Variants in C1QTNF3 observed in about 807,000 individuals in gnomAD.
C1QTNF3 encodes the protein complement C1q tumor necrosis factor-related protein 3.
In C1QTNF3, 26 loss-of-function variants were observed where a neutral mutation model predicts 32.6. The ratio of observed to expected loss-of-function variants is 0.80; its 90% CI spans 0.58 to 1.11. The LOEUF (loss-of-function observed/expected upper bound fraction) is 1.11. C1QTNF3 is among the 50% of genes least tolerant of loss of function. C1QTNF3 has a pLI of 0.00. For missense variants in C1QTNF3, 362 were observed against 398.2 expected (o/e 0.91, Z 0.77); for synonymous variants, 155 against 146.0 (o/e 1.06, Z -0.44).
In C1QTNF3 at chr5:34,028,026, G is replaced by A. The variant is rs1289289128; in HGVS notation, c.700+728C>T. ...CTCGCTCTGTCGCCCAGGCTGGAGT[G>A]CAGTCGCGCGATCTCCGCTCACTGC... On this transcript the variant is annotated intron_variant, in intron 4 of 5. Coordinates refer to ENST00000382065, the MANE Select transcript of C1QTNF3 (RefSeq NM_181435.6). Among the ~76,000 whole-genome samples the A allele has an allele frequency of 2.6e-5, 4 of 152,106 alleles. No individual in the cohort carries two copies. The East Asian group carries it at 7.7e-4, about 29-fold the overall frequency.
the C1QTNF3 span, among the ~76,000 whole-genome samples, chr5:34,162,271 G>A: frequency 1.6e-4 from 24 of 152,116 alleles, no homozygotes; most frequent in African/African-American, 5.8e-4. Flanking sequence ...AGAAGGTCAA[G>A]AGTAGGCAAA....
chr5:34,058,914 A>C, the C1QTNF3 span, among the ~76,000 whole-genome samples: 2 of 152,244 alleles, frequency 1.3e-5, no homozygotes, highest in Admixed American at 1.3e-4. Context: ...GTTGACCAAC[A>C]CAGAGTCCCC....
the C1QTNF3 span, among the ~76,000 whole-genome samples, chr5:34,088,594 G>A: frequency 6.6e-6 from 1 of 152,112 alleles, no homozygotes; most frequent in African/African-American, 2.4e-5. Flanking sequence ...CTGACATTTG[G>A]CATTAAAGCT....
chr5:34,168,243 T>C, the C1QTNF3 span: 1 of 152,128 alleles, frequency 6.6e-6, no homozygotes, highest in Admixed American at 6.6e-5. Flanking sequence ...ATTTTACCTA[T>C]AATAGATTGG....
chr5:34,075,481 T>C, the C1QTNF3 span, among the ~76,000 whole-genome samples: 4 of 151,766 alleles, frequency 2.6e-5, no homozygotes, highest in African/African-American at 9.7e-5. Flanking sequence ...ATAGAGATGA[T>C]ATATTAAGCA....
At chr5:34,032,103 G>T (rs1156794821) in intron 3 of C1QTNF3, among the ~76,000 whole-genome samples, 1 of 151,932 alleles carries the variant, frequency 6.6e-6, no homozygotes, top group Non-Finnish European at 1.5e-5. Context: ...ACTTTTTTTG[G>T]GAAGACACTA....
At chr5:34,102,420 CA>C in the C1QTNF3 span, among the ~76,000 whole-genome samples, 1 of 151,176 alleles carries the variant, frequency 6.6e-6, no homozygotes, top group Non-Finnish European at 1.5e-5. Context: ...GTTATTTTAG[CA>C]AAAAAATAGT....
the C1QTNF3 span, among the ~76,000 whole-genome samples, chr5:34,119,138 T>C: frequency 6.6e-6 from 1 of 152,216 alleles, no homozygotes; most frequent in Non-Finnish European, 1.5e-5. Context: ...CTACATTAAA[T>C]GCCATCGAAA....
intron 5 of C1QTNF3, among the ~76,000 whole-genome samples, chr5:34,022,225 G>T (rs1446216338): frequency 6.6e-6 from 1 of 152,170 alleles, no homozygotes; most frequent in Non-Finnish European, 1.5e-5. Context: ...CAGAGTAAAA[G>T]CCTGCCAAGT....
the C1QTNF3 span, chr5:34,239,255 C>G: frequency 6.6e-6 from 1 of 152,066 alleles, no homozygotes; most frequent in Non-Finnish European, 1.5e-5. Context: ...TAAAAACCAG[C>G]TACAAACGTG....
chr5:34,038,727 G>A (rs1196201709), intron 1 of C1QTNF3, among the ~76,000 whole-genome samples: 1 of 152,150 alleles, frequency 6.6e-6, no homozygotes, highest in Non-Finnish European at 1.5e-5. Flanking sequence ...TTTCCTGAGG[G>A]AAGCTAGGAG....
chr5:34,056,507 G>T, the C1QTNF3 span, among the ~76,000 whole-genome samples: 8 of 140,366 alleles, frequency 5.7e-5, no homozygotes, highest in South Asian at 2.4e-4. Context: ...GAGAGAGAGA[G>T]AGAGAGAGAG....
At chr5:34,166,413 T>C in the C1QTNF3 span, 1 of 151,100 alleles carries the variant, frequency 6.6e-6, no homozygotes. Context: ...CCCAGGGAAA[T>C]GGAAAAAAAA....
the C1QTNF3 span, among the ~76,000 whole-genome samples, chr5:34,071,614 C>G: frequency 1.3e-5 from 2 of 151,860 alleles, no homozygotes; most frequent in Non-Finnish European, 2.9e-5. Context: ...TTAAAATAAA[C>G]TTTAAATAAT....
chr5:34,143,069 G>T, the C1QTNF3 span, among the ~76,000 whole-genome samples: 4 of 152,196 alleles, frequency 2.6e-5, no homozygotes, highest in Non-Finnish European at 4.4e-5. Context: ...TGAAAGATTA[G>T]TAACTTTTTA....
At chr5:34,117,437 A>T in the C1QTNF3 span, among the ~76,000 whole-genome samples, 228 of 152,204 alleles carry the variant, frequency 1.5e-3, no homozygotes, top group African/African-American at 5.4e-3. Context: ...GTGGGCCCAT[A>T]GGTGTTACAA....
At chr5:34,208,803 T>C in the C1QTNF3 span, among the ~76,000 whole-genome samples, 1 of 152,318 alleles carries the variant, frequency 6.6e-6, no homozygotes, top group South Asian at 2.1e-4. Flanking sequence ...TTCCCAATCG[T>C]CACTGCTTTC....
chr5:34,072,748 T>C, the C1QTNF3 span, among the ~76,000 whole-genome samples: 1 of 152,236 alleles, frequency 6.6e-6, no homozygotes, highest in African/African-American at 2.4e-5. Context: ...TTCCTGTGCA[T>C]GTGGAGTCGA....
the C1QTNF3 span, among the ~76,000 whole-genome samples, chr5:34,053,553 AAGAC>A: frequency 6.6e-6 from 1 of 152,196 alleles, no homozygotes; most frequent in African/African-American, 2.4e-5. Context: ...GGCCCCATTT[AAGAC>A]AGACTTTGGC....
Sources: gnomAD v4.1 joint callset for allele counts (sites outside exome capture counted in the v4.1 genomes callset) on GRCh38, gnomAD v4.1.1 for gene constraint, MANE v1.5 for transcripts, NCBI Gene and HGNC (gene_info 2026-07-23, HGNC 2026-07-21) for gene names.